Variants in FAM185A observed in about 807,000 individuals in gnomAD.
The protein encoded by FAM185A is protein FAM185A.
In FAM185A, 21 loss-of-function variants were observed where a neutral mutation model predicts 45.7. The observed-to-expected ratio is 0.46, with a 90% confidence interval of 0.33 to 0.66. FAM185A has a LOEUF of 0.66. FAM185A is among the 30% of genes least tolerant of loss of function. The pLI is 0.03. For synonymous variants in FAM185A, 117 were observed against 194.0 expected (o/e 0.60, Z 3.30); for missense variants, 305 against 485.4 (o/e 0.63, Z 3.49).
the FAM185A span, among the ~76,000 whole-genome samples, chr7:102,830,964 G>T: frequency 6.6e-6 from 1 of 152,148 alleles, no homozygotes; most frequent in Admixed American, 6.6e-5. Flanking sequence ...TAAGAGTGGA[G>T]GACTAAAAAC....
chr7:102,780,191 C>T (rs1181742579), intron 6 of FAM185A, among the ~76,000 whole-genome samples: 2 of 152,088 alleles, frequency 1.3e-5, no homozygotes, highest in African/African-American at 4.8e-5. Context: ...AACCACGACC[C>T]ATAAGTAAAT....
At chr7:102,762,646 A>G (rs1794177130) in intron 4 of FAM185A, among the ~76,000 whole-genome samples, 1 of 152,250 alleles carries the variant, frequency 6.6e-6, no homozygotes, top group Non-Finnish European at 1.5e-5. Flanking sequence ...TAATCATGCT[A>G]TGTAGTAATT....
intron 5 of FAM185A, among the ~76,000 whole-genome samples, chr7:102,775,935 G>C (rs1795028022): frequency 6.6e-6 from 1 of 152,008 alleles, no homozygotes; most frequent in South Asian, 2.1e-4. Flanking sequence ...TTTGACACTT[G>C]AAAACTAAAT....
Position 102,761,242 on chromosome 7 carries a change from A to C in FAM185A, c.655-31A>C. 2.7e-6 allele frequency: 4 copies of C among 1,507,930 alleles called. No individual in the cohort carries two copies. In the South Asian group the frequency reaches 5.3e-5, roughly 20 times the overall value. The allele number at this position is 1,507,930 out of a possible 1,614,324, so 93.4% of individuals were successfully genotyped here. A position where few individuals can be genotyped will look rare whatever the true frequency, so the allele number is the denominator to read the frequency against. ...TTGGCTTTTTACCAGTCTTTGTTTT[A>C]TAATGAACTGATTAGTCTTTCTCTT... is the stretch of plus-strand genomic sequence containing the variant. On this transcript the variant is annotated intron_variant, in intron 3 of 7. Transcript: ENST00000413034.
At chr7:102,804,340 G>A (rs1269719564) in intron 7 of FAM185A, among the ~76,000 whole-genome samples, 2 of 152,176 alleles carry the variant, frequency 1.3e-5, no homozygotes, top group African/African-American at 4.8e-5. Context: ...TAGGCACATA[G>A]ACCAATGGAA....
chr7:102,757,574 G>C (rs922645722), intron 2 of FAM185A, among the ~76,000 whole-genome samples: 1 of 152,210 alleles, frequency 6.6e-6, no homozygotes, highest in Non-Finnish European at 1.5e-5. Context: ...TGGTCACAGT[G>C]ATTTTTGATT....
chr7:102,835,078 G>C, the FAM185A span, among the ~76,000 whole-genome samples: 1 of 152,152 alleles, frequency 6.6e-6, no homozygotes, highest in Non-Finnish European at 1.5e-5. Context: ...GAGAAAAACT[G>C]AAAGATATTG....
chr7:102,830,502 C>A, the FAM185A span, among the ~76,000 whole-genome samples: 5 of 152,192 alleles, frequency 3.3e-5, no homozygotes, highest in Non-Finnish European at 7.3e-5. Context: ...ACTAATAGAA[C>A]CAGATGATGC....
chr7:102,785,785 C>T (rs1240718512), intron 6 of FAM185A, among the ~76,000 whole-genome samples: 10 of 152,126 alleles, frequency 6.6e-5, no homozygotes, highest in African/African-American at 2.4e-4. Context: ...GACTTCATGT[C>T]TAAAACACCA....
chr7:102,765,712 T>C (rs947404758), intron 4 of FAM185A, among the ~76,000 whole-genome samples: 10 of 152,166 alleles, frequency 6.6e-5, no homozygotes, highest in African/African-American at 2.4e-4. Context: ...GTAAGCTAAT[T>C]GACTAGTCAT....
chr7:102,774,286 A>G (rs1036156436), intron 5 of FAM185A, among the ~76,000 whole-genome samples: 6 of 152,172 alleles, frequency 3.9e-5, no homozygotes, highest in Non-Finnish European at 7.3e-5. Context: ...TTATAAATGG[A>G]CCTTGTATCT....
At chr7:102,781,208 G>C (rs1795383336) in intron 6 of FAM185A, among the ~76,000 whole-genome samples, 1 of 152,214 alleles carries the variant, frequency 6.6e-6, no homozygotes, top group African/African-American at 2.4e-5. Flanking sequence ...AAGGAGGCCT[G>C]CCTGCCTCTG....
the FAM185A span, chr7:102,814,350 C>G: frequency 6.6e-6 from 1 of 151,964 alleles, no homozygotes; most frequent in African/African-American, 2.4e-5. Flanking sequence ...TTATTAATTG[C>G]AAAAGTCTGG....
At chr7:102,772,905 G>A (rs1794843006) in intron 5 of FAM185A, among the ~76,000 whole-genome samples, 1 of 151,908 alleles carries the variant, frequency 6.6e-6, no homozygotes, top group Admixed American at 6.6e-5. Flanking sequence ...GAACATATTG[G>A]TCAACAGGAC....
At chr7:102,802,574 C>T (rs952966675) in intron 7 of FAM185A, among the ~76,000 whole-genome samples, 4 of 152,222 alleles carry the variant, frequency 2.6e-5, no homozygotes, top group African/African-American at 9.6e-5. Flanking sequence ...GTTCACAGCC[C>T]TAAATGCGTA....
At chr7:102,759,092 T>C (rs1346087104) in intron 3 of FAM185A, among the ~76,000 whole-genome samples, 5 of 152,202 alleles carry the variant, frequency 3.3e-5, no homozygotes, top group South Asian at 2.1e-4. Context: ...TGCAGCTTTT[T>C]TGAGATGGCA....
At chr7:102,766,092 A>G (rs1400086322) in intron 4 of FAM185A, among the ~76,000 whole-genome samples, 8 of 152,262 alleles carry the variant, frequency 5.3e-5, no homozygotes, top group Admixed American at 1.3e-4. Flanking sequence ...TATTGGAGAC[A>G]ATGAAAAACT....
the FAM185A span, among the ~76,000 whole-genome samples, chr7:102,826,037 T>C: frequency 6.6e-6 from 1 of 152,184 alleles, no homozygotes; most frequent in Non-Finnish European, 1.5e-5. Flanking sequence ...CCTTTGCCAT[T>C]AATATATGTG....
intron 4 of FAM185A, among the ~76,000 whole-genome samples, chr7:102,770,071 C>T (rs1794657990): frequency 6.6e-6 from 1 of 152,166 alleles, no homozygotes; most frequent in Non-Finnish European, 1.5e-5. Context: ...TGGAAACACC[C>T]ACTGTCTCAC....
Sources: gnomAD v4.1 joint callset for allele counts (sites outside exome capture counted in the v4.1 genomes callset) on GRCh38, gnomAD v4.1.1 for gene constraint, MANE v1.5 for transcripts, NCBI Gene and HGNC (gene_info 2026-07-23, HGNC 2026-07-21) for gene names.